The following SLC25A16 variants were observed in gnomAD, a reference collection of about 807,000 sequenced individuals.
SLC25A16 encodes the protein mitochondrial coenzyme A transporter SLC25A16.
SLC25A16 carries 39 observed loss-of-function variants against 41.5 expected under a neutral mutation model. The ratio of observed to expected loss-of-function variants is 0.94; its 90% confidence interval spans 0.73 to 1.23. The LOEUF (loss-of-function observed/expected upper bound fraction) is 1.23, where lower values mean the gene tolerates loss of function less well. Ranked by LOEUF, SLC25A16 falls within the 50% of genes most tolerant of loss-of-function variation. The pLI is 0.00. For synonymous variants in SLC25A16, 146 were observed against 147.8 expected (o/e 0.99, Z 0.09); for missense variants, 421 against 426.9 (o/e 0.99, Z 0.12).
intron 8 of SLC25A16, among the ~76,000 whole-genome samples, chr10:68,484,239 T>TTA (rs1355219260): frequency 1.3e-5 from 2 of 152,146 alleles, no homozygotes; most frequent in Admixed American, 6.6e-5. Flanking sequence ...TAAGCCTTTA[T>TTA]TATAGCTCAA....
intron 7 of SLC25A16, among the ~76,000 whole-genome samples, chr10:68,487,680 T>C (rs1203658491): frequency 6.6e-6 from 1 of 152,150 alleles, no homozygotes; most frequent in Non-Finnish European, 1.5e-5. Flanking sequence ...ACCAAAAATG[T>C]CTCCAGACAT....
chr10:68,517,106 C>T, intron 1 of SLC25A16: 1 of 1,134,276 alleles, frequency 8.8e-7, no homozygotes, highest in East Asian at 5.0e-5. Flanking sequence ...GGGAATCTTG[C>T]TAAAATGTGG....
chr10:68,510,472 G>C (rs2053042488), intron 2 of SLC25A16, among the ~76,000 whole-genome samples: 1 of 152,032 alleles, frequency 6.6e-6, no homozygotes, highest in South Asian at 2.1e-4. Context: ...AACCTGGAAG[G>C]CCAAGGTTGC....
At chr10:68,514,262 C>A (rs552323499) in intron 2 of SLC25A16, among the ~76,000 whole-genome samples, 4 of 152,004 alleles carry the variant, frequency 2.6e-5, no homozygotes, top group African/African-American at 9.7e-5. Flanking sequence ...TTTGAGAGGC[C>A]GAGACGGGCA....
chr10:68,506,952 C>T (rs374277798), intron 2 of SLC25A16, among the ~76,000 whole-genome samples: 2 of 150,840 alleles, frequency 1.3e-5, no homozygotes, highest in Non-Finnish European at 2.9e-5. Flanking sequence ...GAAACAACTA[C>T]AAATTACAGC....
chr10:68,500,966 T>C (rs138150642), intron 4 of SLC25A16, among the ~76,000 whole-genome samples: 354 of 148,562 alleles, frequency 2.4e-3, no homozygotes, highest in African/African-American at 8.4e-3. Flanking sequence ...CAAAGTGATA[T>C]ACAGGATGCG....
intron 4 of SLC25A16, among the ~76,000 whole-genome samples, chr10:68,502,911 GAGAGGAGGGGAAAGGA>G (rs2052878598): frequency 2.4e-5 from 1 of 41,136 alleles, no homozygotes; most frequent in Non-Finnish European, 4.8e-5. Flanking sequence ...AAAGGAGGGG[GAGAGGAGGGGAAAGGA>G]GGGGGAGGGG....
intron 3 of SLC25A16, among the ~76,000 whole-genome samples, 185 bp from the exon 4 acceptor site, chr10:68,503,880 T>G (rs2052901751): frequency 1.3e-5 from 2 of 152,092 alleles, no homozygotes; most frequent in Admixed American, 1.3e-4. Context: ...AAGGGGATAT[T>G]TCCTCTGTAG....
rs2053167609 is a variant in SLC25A16 at position 68,516,766 on chromosome 10, G to A, written c.208C>T (p.His70Tyr). ...VKVLLQAHNH[H>Y]YKHLGVFSAL... is the part of the protein sequence containing the mutation. ...ATTAACTCACCTAAATGCTTGTAAT[G>A]GTGATTGTGAGCTTGTAATAAAACC... Residue 70 changes from histidine to tyrosine, a missense_variant, in exon 2 of 9, where the codon CAT becomes TAT. By Grantham distance (83) the His-to-Tyr change is moderately conservative. Transcript: ENST00000609923. 1 of 1,606,594 alleles carries A rather than the reference G, an allele frequency of 6.2e-7. No homozygotes were observed.
chr10:68,521,844 G>A (rs12244117), intron 1 of SLC25A16, among the ~76,000 whole-genome samples: 3 of 151,002 alleles, frequency 2.0e-5, no homozygotes, highest in Non-Finnish European at 3.0e-5. Context: ...TGATCCGCCC[G>A]CCTCGGCCTC....
rs531149140 is a variant in SLC25A16, at chr10:68,478,292, G to A, written c.*5140C>T. The A allele has an allele frequency of 5.9e-5, 9 of 152,086 alleles. No individual in the cohort carries two copies. Among genetic ancestry groups the A allele is most frequent in the Non-Finnish European group, 1.2e-4 (8 of 68,020 alleles). The allele number at this position is 152,086 out of a possible 1,614,324, so 9.4% of individuals were successfully genotyped here. Reference sequence around the variant, plus strand: ...AAGGCATCAAAGGTGCTTAAAACAAGGAATGCCACATAATTCTTCAGGAAA... The same window carrying A: ...AAGGCATCAAAGGTGCTTAAAACAAAGAATGCCACATAATTCTTCAGGAAA... On this transcript the variant is annotated 3_prime_UTR_variant, in exon 9 of 9. Coordinates refer to ENST00000609923, the MANE Select transcript of SLC25A16 (RefSeq NM_152707.4).
intron 1 of SLC25A16, among the ~76,000 whole-genome samples, chr10:68,525,917 T>C (rs2053330198): frequency 6.6e-6 from 1 of 151,744 alleles, no homozygotes; most frequent in African/African-American, 2.4e-5. Context: ...TCCTTAAGAG[T>C]CATCACCACT....
intron 8 of SLC25A16, 40 bp from the exon 9 acceptor site, chr10:68,483,628 C>A: frequency 6.8e-7 from 1 of 1,472,306 alleles, no homozygotes; most frequent in South Asian, 1.5e-5. Flanking sequence ...TATGCCCACT[C>A]ATGAAGAAAC....
At chr10:68,511,142 G>GCACT (rs1448189611) in intron 2 of SLC25A16, among the ~76,000 whole-genome samples, 1 of 152,020 alleles carries the variant, frequency 6.6e-6, no homozygotes, top group African/African-American at 2.4e-5. Flanking sequence ...AGAGGCTGAG[G>GCACT]CAGGAGAATC....
intron 4 of SLC25A16, among the ~76,000 whole-genome samples, chr10:68,494,514 C>T (rs180963918): frequency 6.5e-4 from 71 of 109,780 alleles, no homozygotes; most frequent in African/African-American, 2.3e-3. Flanking sequence ...GGAGGAGAGA[C>T]GGGAGGGGAG....
intron 8 of SLC25A16, among the ~76,000 whole-genome samples, chr10:68,486,231 CA>C (rs569434507): frequency 0.06 from 5,070 of 84,994 alleles, 135 homozygotes; most frequent in South Asian, 0.14. Flanking sequence ...AAAAACAAAA[CA>C]AAAAAAAAAA....
At chr10:68,503,984 C>A (rs914491439) in intron 3 of SLC25A16, among the ~76,000 whole-genome samples, 2 of 145,586 alleles carry the variant, frequency 1.4e-5, no homozygotes, top group Non-Finnish European at 3.0e-5. Context: ...AAGCCCTTAA[C>A]AAGTGACTGG....
intron 8 of SLC25A16, among the ~76,000 whole-genome samples, chr10:68,484,474 C>G (rs1590088505): frequency 6.8e-6 from 1 of 146,332 alleles, no homozygotes; most frequent in East Asian, 2.0e-4. Context: ...GTTGCCTAGG[C>G]TGGAGTGCAG....
intron 2 of SLC25A16, among the ~76,000 whole-genome samples, chr10:68,510,269 C>G (rs901891219): frequency 6.6e-6 from 1 of 151,718 alleles, no homozygotes; most frequent in African/African-American, 2.4e-5. Context: ...CAGTGGCTGA[C>G]GCCTGTAATC....
Sources: gnomAD v4.1 joint callset for allele counts (sites outside exome capture counted in the v4.1 genomes callset) on GRCh38, gnomAD v4.1.1 for gene constraint, MANE v1.5 for transcripts, NCBI Gene and HGNC (gene_info 2026-07-23, HGNC 2026-07-21) for gene names.